TTC21A: variants seen among roughly 807,000 people sequenced by gnomAD.
TTC21A encodes the protein tetratricopeptide repeat domain 21A, also known as tetratricopeptide repeat protein 21A.
In TTC21A, 128 loss-of-function variants were observed where a neutral mutation model predicts 156.4. That is an observed-to-expected ratio of 0.82 (90% CI 0.71 to 0.95). The LOEUF is 0.95. Among genes scored for constraint, TTC21A ranks in the 40% least tolerant of loss-of-function variants. The pLI, the probability that TTC21A is intolerant of heterozygous loss-of-function variation, is 0.00. For synonymous variants in TTC21A, 587 were observed against 617.1 expected (o/e 0.95, Z 0.72); for missense variants, 1,435 against 1,602.3 (o/e 0.90, Z 1.78).
Position 39,137,212 on chromosome 3 carries a change from A to T in TTC21A, c.3275A>T (p.Glu1092Val), listed in dbSNP as rs1482417867. The T allele has an allele frequency of 6.2e-7, 1 of 1,613,094 alleles. No individual in the cohort carries two copies. The highest frequency in any genetic ancestry group is 1.3e-5 in the African/African-American group (1 of 74,868). ...ACCTGCAGCTACATGGAGAAGAAGG[A>T]GTTGGAGCAGCAGGGTGTGAGCACC... The part of the protein sequence containing the change: ...GAESNYMEKK[E>V]LEQQGVSTAE... The change falls in exon 25 of 29, where the codon GAG (glutamate) becomes GTG (valine). Residue 1092 changes from glutamate to valine, a missense_variant. Coordinates refer to ENST00000683103, the MANE Select transcript of TTC21A (RefSeq NM_001366900.1).
At chr3:39,119,792 G>A (rs1313430362) in intron 7 of TTC21A, 130 bp from the exon 8 acceptor site, 1 of 669,918 alleles carries the variant, frequency 1.5e-6, no homozygotes, top group East Asian at 2.6e-5. Flanking sequence ...GAATTTCTGG[G>A]GGGTTGTGCC....
Position 39,134,208 on chromosome 3 carries a change from C to T in TTC21A, c.2752-10C>T, listed in dbSNP as rs753774207. The T allele has an allele frequency of 6.3e-7, 1 of 1,598,916 alleles. No homozygotes were observed. Among genetic ancestry groups the T allele is most frequent in the Non-Finnish European group, 8.6e-7 (1 of 1,166,452 alleles). Reference sequence around the variant, plus strand: ...TACTAGTTAGTTTATTATATCCGGCCTTGTCCCAGGTGATGCTGGAGCTGG... The same window carrying T: ...TACTAGTTAGTTTATTATATCCGGCTTTGTCCCAGGTGATGCTGGAGCTGG... On this transcript the variant is annotated splice_polypyrimidine_tract_variant and intron_variant, in intron 20 of 28. Coordinates refer to ENST00000683103, the MANE Select transcript of TTC21A (RefSeq NM_001366900.1). The surrounding 1 kb of genome is among the most constrained non-coding windows in gnomAD (Gnocchi z 4.6).
chr3:39,111,167 C>T (rs1203640045), intron 4 of TTC21A, 150 bp downstream of exon 4: 5 of 771,012 alleles, frequency 6.5e-6, no homozygotes, highest in East Asian at 2.7e-5. Flanking sequence ...AGTTGCCCCA[C>T]GCGTGTTGTC....
Position 39,118,075 on chromosome 3 carries a change from A to G in TTC21A, c.723A>G (p.Leu241=). The G allele has an allele frequency of 1.2e-6, 2 of 1,613,024 alleles. No individual in the cohort carries two copies. The highest frequency in any genetic ancestry group is 1.7e-6 in the Non-Finnish European group (2 of 1,178,974). Residue 241 remains leucine (L), a synonymous_variant, in exon 7 of 29, where the codon CTA becomes CTG. Coordinates refer to ENST00000683103, the MANE Select transcript of TTC21A (RefSeq NM_001366900.1). ...EQTVEMGHRI[L]EKDESNIDAC... is the part of the protein sequence containing the mutation. ...CCTCCTCTTCTTCCTTCAGAATCCT[A>G]GAAAAAGATGAGAGCAATATTGATG...
chr3:39,115,348 CAAA>C (rs10709200), intron 6 of TTC21A, among the ~76,000 whole-genome samples: 10 of 143,564 alleles, frequency 7.0e-5, no homozygotes, highest in African/African-American at 1.7e-4. Flanking sequence ...TTTGGGGAAC[CAAA>C]AAAAAAAAAA....
intron 9 of TTC21A, among the ~76,000 whole-genome samples, chr3:39,123,849 C>A (rs150350829): frequency 0.016 from 2,465 of 151,994 alleles, 24 homozygotes; most frequent in South Asian, 0.027. Flanking sequence ...AAAAATCACC[C>A]CCCCCAAAAA....
chr3:39,136,436 A>G lies in TTC21A; in HGVS notation c.3024A>G (p.Glu1008=), dbSNP rs1245468323. 1 of 1,614,226 alleles carries G rather than the reference A, an allele frequency of 6.2e-7. No individual in the cohort carries two copies. Among genetic ancestry groups the G allele is most frequent in the Non-Finnish European group, 8.5e-7 (1 of 1,180,030 alleles). ...TTGAAGACATTCCTGCCTTCTTTGA[A>G]TTGGCCAAGAAGGTGTCTAGCCGGG... ...GKLEDIPAFF[E]LAKKVSSRVP... Residue 1008 remains glutamate, a synonymous_variant, in exon 23 of 29, where the codon GAA becomes GAG. Coordinates refer to ENST00000683103, the MANE Select transcript of TTC21A (RefSeq NM_001366900.1).
At chr3:39,109,470 A>G (rs2036609127) in intron 2 of TTC21A, among the ~76,000 whole-genome samples, 1 of 152,200 alleles carries the variant, frequency 6.6e-6, no homozygotes, top group African/African-American at 2.4e-5. Context: ...TTGGAGAGAT[A>G]GCTGCATGAT....
chr3:39,109,289 C>A (rs1463567791), intron 2 of TTC21A, 75 bp downstream of exon 2: 7 of 1,510,672 alleles, frequency 4.6e-6, no homozygotes, highest in Non-Finnish European at 6.4e-6. Context: ...CACCTGGATG[C>A]CTTCTTGTAT....
chr3:39,134,222 T>G lies in TTC21A; in HGVS notation c.2756T>G (p.Met919Arg), dbSNP rs1196439251. 20 of 1,611,538 alleles carry G rather than the reference T, an allele frequency of 1.2e-5. No individual in the cohort carries two copies. Among genetic ancestry groups the G allele is most frequent in the Non-Finnish European group, 1.7e-5 (20 of 1,177,702 alleles). ...FSYLPTDNKVMLELAQLYLLQ... is the reference protein window; with the variant it reads ...FSYLPTDNKVRLELAQLYLLQ... The stretch of plus-strand genomic sequence containing the variant: ...TTATATCCGGCCTTGTCCCAGGTGA[T>G]GCTGGAGCTGGCGCAGCTCTACCTG... The change falls in exon 21 of 29, where the codon ATG becomes AGG. Residue 919 changes from methionine (M) to arginine (R), a missense_variant. Physicochemically the swap from Met to Arg is moderately conservative, Grantham distance 91 (BLOSUM62 -1). Transcript: ENST00000683103. The surrounding 1 kb of genome is among the most constrained non-coding windows in gnomAD (Gnocchi z 4.6).
At chr3:39,124,093 T>A (rs2038001390) in intron 9 of TTC21A, among the ~76,000 whole-genome samples, 1 of 152,214 alleles carries the variant, frequency 6.6e-6, no homozygotes, top group African/African-American at 2.4e-5. Context: ...GTTGACCTTA[T>A]CTATCAGTAT....
chr3:39,136,972 G>A lies in TTC21A; in HGVS notation c.3169G>A (p.Ala1057Thr), dbSNP rs564915290. Residue 1057 changes from alanine to threonine, a missense_variant, in exon 24 of 29, where the codon GCC becomes ACC. Coordinates refer to ENST00000683103, the MANE Select transcript of TTC21A (RefSeq NM_001366900.1). ...CAAGGACAGCACTTGGGGCCAGAGCGCCATCTACCACATGGTGCAGATCTG... is the reference window on the plus strand; with the variant it reads ...CAAGGACAGCACTTGGGGCCAGAGCACCATCTACCACATGGTGCAGATCTG... ...ARKDSTWGQS[A>T]IYHMVQICLN... 1.2e-5 allele frequency: 19 copies of A among 1,614,182 alleles called. No individual in the cohort carries two copies. In the South Asian group the frequency reaches 1.4e-4, roughly 12 times the overall value.
intron 13 of TTC21A, 55 bp from the exon 14 acceptor site, chr3:39,128,662 C>T: frequency 6.3e-7 from 1 of 1,588,866 alleles, no homozygotes. Context: ...CTGCTGTGAG[C>T]AGCAGCAGTA....
chr3:39,130,763 G>T lies in TTC21A; in HGVS notation c.2382G>T (p.Leu794=), dbSNP rs774245592. The T allele has an allele frequency of 6.2e-7, 1 of 1,614,190 alleles. No homozygotes were observed. The highest frequency in any genetic ancestry group is 1.1e-5 in the South Asian group (1 of 91,078). The part of the protein sequence containing the change: ...INGQDFLCCD[L]GKLLLKLKKV... ...GACAGGACTTTCTGTGCTGCGATCTGGGCAAACTGCTCCTGAAGTTAAAGA... is the reference window on the plus strand; with the variant it reads ...GACAGGACTTTCTGTGCTGCGATCTTGGCAAACTGCTCCTGAAGTTAAAGA... The change falls in exon 18 of 29, where the codon CTG becomes CTT. Residue 794 remains leucine (L), a synonymous_variant. Transcript: ENST00000683103. The surrounding 1 kb of genome is among the most constrained non-coding windows in gnomAD (Gnocchi z 4.5).
Position 39,130,347 on chromosome 3 carries a change from C to A in TTC21A, c.2308C>A (p.Gln770Lys), listed in dbSNP as rs780431020. The change falls in exon 17 of 29, where the codon CAG becomes AAG. Residue 770 changes from glutamine (Q) to lysine (K), a missense_variant. Transcript: ENST00000683103. The surrounding 1 kb of genome is among the most constrained non-coding windows in gnomAD (Gnocchi z 4.5). ...RIGHAYVKAH[Q>K]YTEAIEYYEA... ...TGGGCACGCTTATGTGAAGGCCCAC[C>A]AGTATACTGAGGTCAGGCTGGGCTA... is the stretch of plus-strand genomic sequence containing the variant. The A allele has an allele frequency of 2.5e-6, 4 of 1,612,530 alleles. No individual in the cohort carries two copies. Among genetic ancestry groups the A allele is most frequent in the Non-Finnish European group, 3.4e-6 (4 of 1,179,228 alleles).
In TTC21A at chr3:39,134,204, C is replaced by A. The variant is rs368494927; in HGVS notation, c.2752-14C>A. 4 of 1,584,424 alleles carry A rather than the reference C, an allele frequency of 2.5e-6. No homozygotes were observed. Among genetic ancestry groups the A allele is most frequent in the African/African-American group, 1.3e-5 (1 of 74,462 alleles). ...TGTTTACTAGTTAGTTTATTATATC[C>A]GGCCTTGTCCCAGGTGATGCTGGAG... On this transcript the variant is annotated splice_polypyrimidine_tract_variant and intron_variant, in intron 20 of 28. Coordinates refer to ENST00000683103, the MANE Select transcript of TTC21A (RefSeq NM_001366900.1). This position sits in a 1 kb window ranked among gnomAD's most constrained non-coding sequence, Gnocchi z 4.6.
At position 39,128,716 on chromosome 3, in the gene TTC21A, G is replaced by C; in HGVS notation, c.1681-1G>C. The stretch of plus-strand genomic sequence containing the variant: ...CCCACACTCTGCTGTGCTCCTCCTA[G>C]GTCCGAGATCACCCCCTCTACCACC... On this transcript the variant is annotated splice_acceptor_variant, in intron 13 of 28. Coordinates refer to ENST00000683103, the MANE Select transcript of TTC21A (RefSeq NM_001366900.1). LOFTEE classifies it high-confidence loss of function. The C allele has an allele frequency of 6.2e-7, 1 of 1,613,944 alleles. No individual in the cohort carries two copies. The highest frequency in any genetic ancestry group is 2.2e-5 in the East Asian group (1 of 44,870).
intron 3 of TTC21A, among the ~76,000 whole-genome samples, chr3:39,110,648 G>C (rs1221325989): frequency 6.6e-6 from 1 of 152,194 alleles, no homozygotes; most frequent in Non-Finnish European, 1.5e-5. Flanking sequence ...GTCCACACCA[G>C]GGCAGCCCCT....
At chr3:39,114,547 C>T (rs2037113788) in intron 5 of TTC21A, 38 bp from the exon 6 acceptor site, 1 of 1,608,966 alleles carries the variant, frequency 6.2e-7, no homozygotes. Context: ...TTCATGGGCA[C>T]TCCCTTCACG....
Sources: gnomAD v4.1 joint callset for allele counts (sites outside exome capture counted in the v4.1 genomes callset) on GRCh38, gnomAD v4.1.1 for gene constraint, Gnocchi (gnomAD v3.1) non-coding constraint, MANE v1.5 for transcripts, NCBI Gene and HGNC (gene_info 2026-07-23, HGNC 2026-07-21) for gene names.